Variants in TRPC6 observed in about 807,000 individuals in gnomAD.
The protein encoded by TRPC6 is short transient receptor potential channel 6.
A neutral mutation model predicts 90.7 loss-of-function variants in TRPC6; 55 were observed. The ratio of observed to expected loss-of-function variants is 0.61; its 90% confidence interval spans 0.49 to 0.76. The LOEUF is 0.76. Among genes scored for constraint, TRPC6 ranks in the 30% least tolerant of loss-of-function variants. The pLI, the probability that TRPC6 is intolerant of heterozygous loss-of-function variation, is 0.00. For synonymous variants in TRPC6, 393 were observed against 393.0 expected, an observed-to-expected ratio of 1.00 and a Z score of 0.00; for missense variants, 989 against 1,122.7, an observed-to-expected ratio of 0.88 and a Z score of 1.70.
chr11:101,524,326 G>A (rs1272156354), intron 1 of TRPC6, among the ~76,000 whole-genome samples: 2 of 152,152 alleles, frequency 1.3e-5, no homozygotes, highest in African/African-American at 4.8e-5. Flanking sequence ...TCGGCTCACT[G>A]CAAGCTCCAC....
chr11:101,550,242 T>A (rs761763273), intron 1 of TRPC6, among the ~76,000 whole-genome samples: 1 of 151,602 alleles, frequency 6.6e-6, no homozygotes, highest in African/African-American at 2.4e-5. Flanking sequence ...AGTTCCTTGA[T>A]AGAATTTTAT....
At chr11:101,465,863 AG>A (rs1183197713) in intron 10 of TRPC6, among the ~76,000 whole-genome samples, 2 of 152,240 alleles carry the variant, frequency 1.3e-5, no homozygotes, top group Admixed American at 6.5e-5. Flanking sequence ...TTGGAGGTGA[AG>A]AGGCATTCTG....
chr11:101,583,251 G>A (rs1045356657), intron 1 of TRPC6, 83 bp downstream of exon 1: 2 of 1,497,212 alleles, frequency 1.3e-6, no homozygotes, highest in Non-Finnish European at 1.8e-6. Context: ...GGACGCGCGC[G>A]GACGGACTCG....
At position 101,484,095 on chromosome 11, in the gene TRPC6, G is replaced by A. The variant is rs147750279; in HGVS notation, c.1294-930C>T. On this transcript the variant is annotated intron_variant, in intron 4 of 12. Transcript: ENST00000344327. ...TGAGTTTATTATTACAGAAAACTTTGAAAACTAATAAAATACAACCAACAC... is the reference window on the plus strand; with the variant it reads ...TGAGTTTATTATTACAGAAAACTTTAAAAACTAATAAAATACAACCAACAC... 5.3e-3 allele frequency among the ~76,000 whole-genome samples: 814 copies of A among 152,216 alleles called. 3 individuals carry two copies. Among genetic ancestry groups the A allele is most frequent in the African/African-American group, 0.019 (776 of 41,524 alleles).
intron 10 of TRPC6, among the ~76,000 whole-genome samples, chr11:101,465,412 CTTCTGGT>C: frequency 6.6e-6 from 1 of 152,122 alleles, no homozygotes; most frequent in Admixed American, 6.6e-5. Context: ...TCCCCGTCAC[CTTCTGGT>C]ACACTAATCT....
At chr11:101,524,785 A>G (rs761615476) in intron 1 of TRPC6, among the ~76,000 whole-genome samples, 1 of 152,218 alleles carries the variant, frequency 6.6e-6, no homozygotes, top group African/African-American at 2.4e-5. Flanking sequence ...AGTGTTATCC[A>G]TGGAAGGAAT....
intron 1 of TRPC6, among the ~76,000 whole-genome samples, chr11:101,569,573 C>T (rs1382438842): frequency 6.6e-6 from 1 of 152,194 alleles, no homozygotes; most frequent in African/African-American, 2.4e-5. Context: ...ACATTCTTCT[C>T]AGCACCACAT....
At chr11:101,547,721 G>A (rs1184680630) in intron 1 of TRPC6, among the ~76,000 whole-genome samples, 2 of 152,096 alleles carry the variant, frequency 1.3e-5, no homozygotes, top group Non-Finnish European at 2.9e-5. Flanking sequence ...TTGTGTCCTA[G>A]AAAACTGCCT....
intron 1 of TRPC6, among the ~76,000 whole-genome samples, chr11:101,562,324 T>C (rs1861731913): frequency 6.6e-6 from 1 of 152,102 alleles, no homozygotes; most frequent in South Asian, 2.1e-4. Context: ...TGAGCAGTTA[T>C]GTATTTAGTA....
intron 1 of TRPC6, among the ~76,000 whole-genome samples, chr11:101,572,263 TGAA>T (rs1347804135): frequency 3.3e-5 from 4 of 121,722 alleles, no homozygotes; most frequent in African/African-American, 1.2e-4. Context: ...AACAAACATA[TGAA>T]AAAAAAACTC....
chr11:101,495,161 T>C (rs1321449920), intron 2 of TRPC6, among the ~76,000 whole-genome samples: 1 of 152,144 alleles, frequency 6.6e-6, no homozygotes, highest in African/African-American at 2.4e-5. Context: ...CTTTGAAAAG[T>C]TGAAAAGAGA....
intron 1 of TRPC6, among the ~76,000 whole-genome samples, chr11:101,555,638 G>A (rs951226432): frequency 6.6e-6 from 1 of 152,092 alleles, no homozygotes; most frequent in Non-Finnish European, 1.5e-5. Context: ...GATGAACATG[G>A]GAACATTATG....
chr11:101,491,172 T>G (rs12796163), intron 3 of TRPC6, among the ~76,000 whole-genome samples: 1 of 151,898 alleles, frequency 6.6e-6, no homozygotes, highest in Non-Finnish European at 1.5e-5. Context: ...CCTAACCGGG[T>G]GCAGTGGCTC....
Position 101,504,364 on chromosome 11 carries a change from T to C in TRPC6, c.605A>G (p.Gln202Arg), listed in dbSNP as rs759484314. Residue 202 changes from glutamine to arginine, a missense_variant, in exon 2 of 13, where the codon CAG becomes CGG. Gln to Arg is a conservative substitution (Grantham distance 43). This residue lies in a region of TRPC6 where 486 missense variants were observed against 591.9 expected (regional missense o/e 0.82). Coordinates refer to ENST00000344327, the MANE Select transcript of TRPC6 (RefSeq NM_004621.6). ...ATCATAGGCATAAAAATCATCTTGCTGGAGTTCAGACTGGCTAGGGCTGGT... is the reference window on the plus strand; with the variant it reads ...ATCATAGGCATAAAAATCATCTTGCCGGAGTTCAGACTGGCTAGGGCTGGT... ...LATSPSQSEL[Q>R]QDDFYAYDED... The C allele has an allele frequency of 6.2e-7, 1 of 1,614,152 alleles. No homozygotes were observed. Among genetic ancestry groups the C allele is most frequent in the Non-Finnish European group, 8.5e-7 (1 of 1,180,014 alleles).
At chr11:101,567,181 G>A (rs951632745) in intron 1 of TRPC6, among the ~76,000 whole-genome samples, 1 of 152,138 alleles carries the variant, frequency 6.6e-6, no homozygotes, top group Non-Finnish European at 1.5e-5. Flanking sequence ...GCTAGGTGGG[G>A]GGAGGGGCGT....
At chr11:101,530,360 C>A (rs1035852418) in intron 1 of TRPC6, among the ~76,000 whole-genome samples, 1 of 152,116 alleles carries the variant, frequency 6.6e-6, no homozygotes, top group Non-Finnish European at 1.5e-5. Context: ...AAATTTGTCT[C>A]CAGTGCCCTT....
At chr11:101,570,877 A>G in intron 1 of TRPC6, among the ~76,000 whole-genome samples, 1 of 152,178 alleles carries the variant, frequency 6.6e-6, no homozygotes, top group Non-Finnish European at 1.5e-5. Context: ...TCTCAAAATA[A>G]TAAGAGCTAT....
intron 2 of TRPC6, 104 bp from the exon 3 acceptor site, chr11:101,491,842 T>G: frequency 3.8e-6 from 4 of 1,058,006 alleles, no homozygotes; most frequent in Non-Finnish European, 3.8e-6. Context: ...CATTCTTTTT[T>G]TTTTTTTTTT....
intron 2 of TRPC6, among the ~76,000 whole-genome samples, chr11:101,503,295 T>C (rs769909280): frequency 2.6e-5 from 4 of 152,198 alleles, no homozygotes; most frequent in Non-Finnish European, 5.9e-5. Context: ...AGTTCTAATT[T>C]CCTACTATTT....
Sources: gnomAD v4.1 joint callset for allele counts (sites outside exome capture counted in the v4.1 genomes callset) on GRCh38, gnomAD v4.1.1 for gene constraint, gnomAD v4.1.1 regional missense constraint, MANE v1.5 for transcripts, NCBI Gene and HGNC (gene_info 2026-07-23, HGNC 2026-07-21) for gene names.